Variants in OGFRL1 observed in about 807,000 individuals in gnomAD.
OGFRL1 encodes the protein opioid growth factor receptor-like protein 1.
A neutral mutation model predicts 32.4 loss-of-function variants in OGFRL1; 26 were observed. The ratio of observed to expected loss-of-function variants is 0.80; its 90% CI spans 0.59 to 1.11. OGFRL1 has a LOEUF of 1.11. Ranked by LOEUF, OGFRL1 falls within the 50% of genes most tolerant of loss-of-function variation. The pLI, the probability that OGFRL1 is intolerant of heterozygous loss-of-function variation, is 0.00. For synonymous variants in OGFRL1, 211 were observed against 201.2 expected (o/e 1.05, Z -0.41); for missense variants, 521 against 546.4 (o/e 0.95, Z 0.46).
intron 6 of OGFRL1, among the ~76,000 whole-genome samples, chr6:71,298,099 T>C (rs1391301224): frequency 6.6e-6 from 1 of 151,976 alleles, no homozygotes; most frequent in Non-Finnish European, 1.5e-5. Context: ...TAATCAATGA[T>C]ATTAAAATGG....
chr6:71,289,648 C>T (rs7756709), intron 1 of OGFRL1: 93,228 of 984,156 alleles, frequency 0.095, 5,652 homozygotes, highest in African/African-American at 0.29. Flanking sequence ...GGGTCTAAGC[C>T]GTCAGAAGTG....
chr6:71,301,032 C>G (rs1052484778), intron 6 of OGFRL1, among the ~76,000 whole-genome samples: 5 of 152,144 alleles, frequency 3.3e-5, no homozygotes, highest in Admixed American at 3.3e-4. Flanking sequence ...GATGTTGGTG[C>G]AAATAAATGC....
Position 71,289,079 on chromosome 6 carries a change from A to AGCAGCCCGC in OGFRL1, c.151_159dup (p.Ala51_Pro53dup), listed in dbSNP as rs1265907596. ...AGCGAGGGCCCGGGGCAGGAGTCCG[A>AGCAGCCCGC]GCAGCCCGCGCAGCCCCCGGAGCAA... On this transcript the variant is annotated inframe_insertion, in exon 1 of 7. Transcript: ENST00000370435. 4.3e-6 allele frequency: 5 copies of AGCAGCCCGC among 1,169,616 alleles called. No individual in the cohort carries two copies. The highest frequency in any genetic ancestry group is 5.3e-6 in the Non-Finnish European group (5 of 942,776). The allele number at this position is 1,169,616 out of a possible 1,614,324, so 72.5% of individuals were successfully genotyped here.
chr6:71,288,960 C>A lies in OGFRL1; in HGVS notation c.24C>A (p.Val8=). MGNLLGG[V]SFREPTTVED... ...CAATGGGCAACCTGCTCGGCGGGGT[C>A]AGCTTCCGCGAGCCCACCACCGTGG... The change falls in exon 1 of 7, where the codon GTC becomes GTA. Residue 8 remains valine, a synonymous_variant. Coordinates refer to ENST00000370435, the MANE Select transcript of OGFRL1 (RefSeq NM_024576.5). 1 of 1,387,300 alleles carries A rather than the reference C, an allele frequency of 7.2e-7. No homozygotes were observed. The highest frequency in any genetic ancestry group is 1.3e-5 in the South Asian group (1 of 78,230). The allele number at this position is 1,387,300 out of a possible 1,614,324, so 85.9% of individuals were successfully genotyped here.
chr6:71,289,909 G>A, intron 1 of OGFRL1: 2 of 771,064 alleles, frequency 2.6e-6, no homozygotes, highest in Non-Finnish European at 3.2e-6. Flanking sequence ...GAAGAAGTGT[G>A]CATCCTGGAG....
chr6:71,296,871 T>A, intron 6 of OGFRL1, 54 bp downstream of exon 6: 1 of 1,560,014 alleles, frequency 6.4e-7, no homozygotes. Context: ...TTTCCCTTGG[T>A]CAGAGTTCTC....
At position 71,290,268 on chromosome 6, in the gene OGFRL1, GTCTA is replaced by G. The variant is rs374745670; in HGVS notation, c.234+1105_234+1108del. On this transcript the variant is annotated intron_variant, in intron 1 of 6. Transcript: ENST00000370435. ...GAGGGAGAGGATGATGCAAACCCAAGTCTATCTATCACTGATATCAGCGCCTTGG... is the reference window on the plus strand; with the variant it reads ...GAGGGAGAGGATGATGCAAACCCAAGTCTATCACTGATATCAGCGCCTTGG... Among the ~76,000 whole-genome samples, 9 of 152,274 alleles carry G rather than the reference GTCTA, an allele frequency of 5.9e-5. No individual in the cohort carries two copies. In the East Asian group the frequency reaches 1.2e-3, roughly 20 times the overall value.
rs1158690810 is a variant in OGFRL1 at position 71,289,548 on chromosome 6, T to TAAAAAAAA, written c.234+403_234+410dup. 7.5e-4 allele frequency: 408 copies of TAAAAAAAA among 541,478 alleles called. 1 individual carries two copies. The highest frequency in any genetic ancestry group is 3.6e-3 in the African/African-American group (76 of 20,888). The allele number at this position is 541,478 out of a possible 1,614,324, so 33.5% of individuals were successfully genotyped here. On this transcript the variant is annotated intron_variant, in intron 1 of 6. Coordinates refer to ENST00000370435, the MANE Select transcript of OGFRL1 (RefSeq NM_024576.5). ...CAACCCCTCTAGTGTGTGTTATTGG[T>TAAAAAAAA]AAAAAAAAAAAAAAAAAAAAAAAAA...
In OGFRL1 at chr6:71,301,287, G is replaced by A. The variant is rs1766376426; in HGVS notation, c.693-99G>A. ...AGTCATTACACAGCATATTTCCATG[G>A]CTTACATTTCCATAAAAAATATTTT... is the stretch of plus-strand genomic sequence containing the variant. On this transcript the variant is annotated intron_variant, in intron 6 of 6. Coordinates refer to ENST00000370435, the MANE Select transcript of OGFRL1 (RefSeq NM_024576.5). 5 of 1,017,280 alleles carry A rather than the reference G, an allele frequency of 4.9e-6. No homozygotes were observed. The East Asian group carries it at 1.2e-4, about 24-fold the overall frequency. 63.0% of individuals were successfully genotyped at this position (1,017,280 alleles called of 1,614,324 possible). A position where few individuals can be genotyped will look rare whatever the true frequency, so the allele number is the denominator to read the frequency against.
chr6:71,300,760 A>C (rs1278080692), intron 6 of OGFRL1, among the ~76,000 whole-genome samples: 2 of 152,210 alleles, frequency 1.3e-5, no homozygotes, highest in Non-Finnish European at 2.9e-5. Flanking sequence ...TTAGCTGCTA[A>C]GTTACAGAGC....
In OGFRL1 at chr6:71,301,854, A is replaced by G. The variant is rs769801546; in HGVS notation, c.1161A>G (p.Glu387=). 3 of 1,612,898 alleles carry G rather than the reference A, an allele frequency of 1.9e-6. No individual in the cohort carries two copies. The highest frequency in any genetic ancestry group is 2.5e-6 in the Non-Finnish European group (3 of 1,179,692). ...GGCCCAGCCCAGAGCCCAGCAATGA[A>G]GCTGCCAAGCCAAGAAATACAGAGA... ...TDRPSPEPSN[E]AAKPRNTEKD... is the part of the protein sequence containing the mutation. Residue 387 remains glutamate, a synonymous_variant, in exon 7 of 7, where the codon GAA becomes GAG. Transcript: ENST00000370435.
At position 71,293,600 on chromosome 6, in the gene OGFRL1, T is replaced by G; in HGVS notation, c.389T>G (p.Phe130Cys). The G allele has an allele frequency of 6.2e-7, 1 of 1,605,620 alleles. No homozygotes were observed. The highest frequency in any genetic ancestry group is 1.1e-5 in the South Asian group (1 of 90,836). The change falls in exon 3 of 7, where the codon TTC (phenylalanine) becomes TGC (cysteine). Residue 130 changes from phenylalanine to cysteine, a missense_variant. Coordinates refer to ENST00000370435, the MANE Select transcript of OGFRL1 (RefSeq NM_024576.5). ...NLRFYKNKIP[F>C]KPDGVYIEEV... Reference sequence around the variant, plus strand: ...CGTTTTTATAAGAATAAAATTCCATTCAAGCCAGATGGTGAGTAACGTACT... The same window carrying G: ...CGTTTTTATAAGAATAAAATTCCATGCAAGCCAGATGGTGAGTAACGTACT...
Position 71,296,783 on chromosome 6 carries a change from G to C in OGFRL1, c.658G>C (p.Val220Leu), listed in dbSNP as rs764865962. 31 of 1,613,302 alleles carry C rather than the reference G, an allele frequency of 1.9e-5. No homozygotes were observed. The highest frequency in any genetic ancestry group is 2.6e-5 in the Non-Finnish European group (31 of 1,179,544). ...TDKTGNVARA[V>L]NWQERFQHLN... ...TAAAACTGGAAATGTTGCTCGGGCT[G>C]TTAACTGGCAGGAAAGATTTCAGCA... Residue 220 changes from valine (V) to leucine (L), a missense_variant, in exon 6 of 7, where the codon GTT becomes CTT. Val to Leu is a conservative substitution (Grantham distance 32, BLOSUM62 1). Coordinates refer to ENST00000370435, the MANE Select transcript of OGFRL1 (RefSeq NM_024576.5).
rs891489148 is a variant in OGFRL1, at chr6:71,302,303, T to C, written c.*254T>C. On this transcript the variant is annotated 3_prime_UTR_variant, in exon 7 of 7. Transcript: ENST00000370435. ...AGGATGTGAATTTTCAAATTTTGTA[T>C]ATAATAATTACTTTGAGAATATTTT... The C allele has an allele frequency of 1.4e-5, 4 of 279,886 alleles. No homozygotes were observed. The highest frequency in any genetic ancestry group is 2.6e-5 in the Non-Finnish European group (4 of 151,590). The allele number at this position is 279,886 out of a possible 1,614,324, so 17.3% of individuals were successfully genotyped here. A position where few individuals can be genotyped will look rare whatever the true frequency, so the allele number is the denominator to read the frequency against.
chr6:71,307,360 G>A lies in OGFRL1; in HGVS notation c.*5311G>A, dbSNP rs1766584133. 1 of 152,022 alleles carries A rather than the reference G, an allele frequency of 6.6e-6. No individual in the cohort carries two copies. Among genetic ancestry groups the A allele is most frequent in the African/African-American group, 2.4e-5 (1 of 41,364 alleles). 9.4% of individuals were successfully genotyped at this position (152,022 alleles called of 1,614,324 possible). On this transcript the variant is annotated 3_prime_UTR_variant, in exon 7 of 7. Coordinates refer to ENST00000370435, the MANE Select transcript of OGFRL1 (RefSeq NM_024576.5). ...ATGGACTCCATACACAATTTTGATGGGTATCAGTTCTCATAAAATACCTGC... is the reference window on the plus strand; with the variant it reads ...ATGGACTCCATACACAATTTTGATGAGTATCAGTTCTCATAAAATACCTGC...
At chr6:71,290,361 C>T (rs2094448119) in intron 1 of OGFRL1, among the ~76,000 whole-genome samples, 1 of 152,212 alleles carries the variant, frequency 6.6e-6, no homozygotes, top group African/African-American at 2.4e-5. Flanking sequence ...TTTTGCATTG[C>T]TAATTCAATC....
At chr6:71,291,790 G>A (rs755112224) in intron 1 of OGFRL1, 10 of 152,194 alleles carry the variant, frequency 6.6e-5, no homozygotes, top group African/African-American at 2.2e-4. Flanking sequence ...AGTAAGCAGC[G>A]TTCAGATTGC....
In OGFRL1 at chr6:71,289,131, C is replaced by T. The variant is rs1482157797; in HGVS notation, c.195C>T (p.Pro65=). ...CCGGCGGGCGGCCCGGCGCCAGCCC[C>T]GCGCCGGACGAGGACGCCGAGGCGG... ...EQAGGRPGAS[P]APDEDAEAAG... Residue 65 remains proline, a synonymous_variant, in exon 1 of 7, where the codon CCC becomes CCT. Transcript: ENST00000370435. 6.3e-6 allele frequency: 7 copies of T among 1,105,452 alleles called. No individual in the cohort carries two copies. Among genetic ancestry groups the T allele is most frequent in the Admixed American group, 5.1e-5 (1 of 19,518 alleles). The allele number at this position is 1,105,452 out of a possible 1,614,324, so 68.5% of individuals were successfully genotyped here.
Position 71,301,662 on chromosome 6 carries a change from C to A in OGFRL1, c.969C>A (p.Ser323Arg). 1.2e-6 allele frequency: 2 copies of A among 1,614,042 alleles called. No homozygotes were observed. The highest frequency in any genetic ancestry group is 2.2e-5 in the South Asian group (2 of 91,068). Residue 323 changes from serine to arginine, a missense_variant, in exon 7 of 7, where the codon AGC (serine) becomes AGA (arginine). By Grantham distance (110) the Ser-to-Arg change is moderately radical. Transcript: ENST00000370435. The part of the protein sequence containing the change: ...GPPRKEQSEG[S>R]KAQKMSSPLA... ...CTCGAAAAGAACAGTCGGAGGGAAG[C>A]AAAGCCCAGAAAATGTCTTCCCCTC... is the stretch of plus-strand genomic sequence containing the variant.
Sources: gnomAD v4.1 joint callset for allele counts (sites outside exome capture counted in the v4.1 genomes callset) on GRCh38, gnomAD v4.1.1 for gene constraint, MANE v1.5 for transcripts, NCBI Gene and HGNC (gene_info 2026-07-23, HGNC 2026-07-21) for gene names.